Variants in SGSM2 observed in about 807,000 individuals in gnomAD.
SGSM2 encodes RUN and TBC1 domain containing 1.
Under a neutral mutation model 126.6 loss-of-function variants are expected in SGSM2, and 89 were observed. That is an observed-to-expected ratio of 0.70 (90% confidence interval 0.59 to 0.84). SGSM2 has a LOEUF of 0.84. Among genes scored for constraint, SGSM2 ranks in the 40% least tolerant of loss-of-function variants. SGSM2 has a pLI of 0.00. For missense variants in SGSM2, 1,404 were observed against 1,416.6 expected (o/e 0.99, Z 0.14); for synonymous variants, 614 against 574.3 (o/e 1.07, Z -0.99).
intron 9 of SGSM2, 64 bp downstream of exon 9, chr17:2,364,727 T>C: frequency 1.3e-6 from 2 of 1,588,292 alleles, no homozygotes; most frequent in Non-Finnish European, 1.7e-6. Context: ...AGCTGTGCAC[T>C]GTGCGTGGGG....
Position 2,372,606 on chromosome 17 carries a change from G to C in SGSM2, c.1788+118G>C. On this transcript the variant is annotated intron_variant, in intron 15 of 23. Coordinates refer to ENST00000268989, the MANE Select transcript of SGSM2 (RefSeq NM_014853.3). The surrounding 1 kb of genome is among the most constrained non-coding windows in gnomAD (Gnocchi z 6.0). ...GACAGGCCAGGGCCGATGCCACGGA[G>C]TGACCAGGGTCCCGGCAGAATCTCT... 7.3e-7 allele frequency: 1 copy of C among 1,370,004 alleles called. No homozygotes were observed. The highest frequency in any genetic ancestry group is 1.3e-5 in the South Asian group (1 of 76,296). 84.9% of individuals were successfully genotyped at this position (1,370,004 alleles called of 1,614,324 possible). A position where few individuals can be genotyped will look rare whatever the true frequency, so the allele number is the denominator to read the frequency against.
Position 2,375,735 on chromosome 17 carries a change from G to C in SGSM2, c.2344G>C (p.Gly782Arg). 1.2e-6 allele frequency: 2 copies of C among 1,608,374 alleles called. No individual in the cohort carries two copies. The highest frequency in any genetic ancestry group is 1.1e-5 in the South Asian group (1 of 90,862). Residue 782 changes from glycine to arginine, a missense_variant, in exon 18 of 24, where the codon GGT (glycine) becomes CGT (arginine). Gly to Arg is a moderately radical substitution (Grantham distance 125, BLOSUM62 -2). Coordinates refer to ENST00000268989, the MANE Select transcript of SGSM2 (RefSeq NM_014853.3). Reference protein sequence around the residue: ...QSVGFEEEDGGGEEGSSGPGP... With the variant: ...QSVGFEEEDGRGEEGSSGPGP... ...CGTGGGCTTCGAAGAGGAGGACGGC[G>C]GTGGGGAGGAAGGCTCCAGTGGGCC...
intron 2 of SGSM2, among the ~76,000 whole-genome samples, chr17:2,346,474 A>G (rs1023147086): frequency 6.6e-6 from 1 of 152,194 alleles, no homozygotes; most frequent in African/African-American, 2.4e-5. Context: ...ACCATGGGCA[A>G]ACCCAGGAAA....
At chr17:2,379,248 G>A (rs1232292118) in intron 23 of SGSM2, 45 bp downstream of exon 23, 7 of 1,606,938 alleles carry the variant, frequency 4.4e-6, no homozygotes, top group South Asian at 2.2e-5. Flanking sequence ...GCAGAGGTGT[G>A]GAGGCCCCCA....
chr17:2,359,329 C>G (rs1475453324), intron 2 of SGSM2, among the ~76,000 whole-genome samples: 3 of 150,968 alleles, frequency 2.0e-5, no homozygotes, highest in Non-Finnish European at 4.4e-5. Context: ...TGGGGAACAC[C>G]TTGTGGGCAT....
Position 2,372,751 on chromosome 17 carries a change from T to C in SGSM2, c.1789-202T>C. ...CTCTCCGGGCGCCATTTCCTGCCCC[T>C]TAAGGAAGGAGAGCAGAACGAGATC... is the stretch of plus-strand genomic sequence containing the variant. On this transcript the variant is annotated intron_variant, in intron 15 of 23. Coordinates refer to ENST00000268989, the MANE Select transcript of SGSM2 (RefSeq NM_014853.3). The surrounding 1 kb of genome is among the most constrained non-coding windows in gnomAD (Gnocchi z 6.0). The C allele has an allele frequency of 1.2e-6, 1 of 845,310 alleles. No homozygotes were observed. Among genetic ancestry groups the C allele is most frequent in the Non-Finnish European group, 1.8e-6 (1 of 555,584 alleles). 52.4% of individuals were successfully genotyped at this position (845,310 alleles called of 1,614,324 possible).
At chr17:2,340,629 G>T (rs890173265) in intron 1 of SGSM2, among the ~76,000 whole-genome samples, 10 of 151,234 alleles carry the variant, frequency 6.6e-5, no homozygotes, top group African/African-American at 2.4e-4. Flanking sequence ...CTGTTGCCCA[G>T]GCTGGAGTGC....
intron 11 of SGSM2, among the ~76,000 whole-genome samples, chr17:2,366,309 G>A (rs2065582422): frequency 6.6e-6 from 1 of 152,200 alleles, no homozygotes; most frequent in Admixed American, 6.5e-5. Flanking sequence ...TTTCTGGTCA[G>A]AGTGCTGCTG....
At chr17:2,368,923 C>T (rs772634538) in intron 12 of SGSM2, among the ~76,000 whole-genome samples, 4 of 152,134 alleles carry the variant, frequency 2.6e-5, no homozygotes, top group South Asian at 2.1e-4. Flanking sequence ...TTGGCAGACT[C>T]GGTGATAAAA....
At chr17:2,340,299 G>C (rs1361177522) in intron 1 of SGSM2, among the ~76,000 whole-genome samples, 2 of 151,888 alleles carry the variant, frequency 1.3e-5, no homozygotes, top group Non-Finnish European at 2.9e-5. Context: ...TATTTTAGTA[G>C]AGATGGGGTT....
chr17:2,369,878 C>T (rs1182422442), intron 12 of SGSM2, among the ~76,000 whole-genome samples: 5 of 152,220 alleles, frequency 3.3e-5, no homozygotes, highest in Non-Finnish European at 5.9e-5. Flanking sequence ...GCTTGCAACG[C>T]CCTCACTCCC....
intron 2 of SGSM2, among the ~76,000 whole-genome samples, chr17:2,359,277 A>G (rs942869501): frequency 6.6e-6 from 1 of 151,268 alleles, no homozygotes; most frequent in Non-Finnish European, 1.5e-5. Context: ...TTGTCTGCAC[A>G]CTGCACGCGA....
rs1310472489 is a variant in SGSM2 at position 2,376,990 on chromosome 17, C to T, written c.2724C>T (p.Leu908=). The T allele has an allele frequency of 6.2e-7, 1 of 1,613,888 alleles. No homozygotes were observed. The highest frequency in any genetic ancestry group is 8.5e-7 in the Non-Finnish European group (1 of 1,179,936). The part of the protein sequence containing the change: ...DQLAYSCFSH[L]MKRMSQNFPN... ...TGGCCTACAGCTGCTTCAGCCACCT[C>T]ATGAAGAGGATGAGCCAGAACTTCC... The change falls in exon 21 of 24, where the codon CTC becomes CTT. Residue 908 remains leucine, a synonymous_variant. Coordinates refer to ENST00000268989, the MANE Select transcript of SGSM2 (RefSeq NM_014853.3).
chr17:2,379,355 G>C lies in SGSM2; in HGVS notation c.3068-77G>C, dbSNP rs1331941167. On this transcript the variant is annotated intron_variant, in intron 23 of 23. Transcript: ENST00000268989. ...GAATCTAGCAGAGCAGATGGAAACAGAGCAGGGTAGTCAGCCACCTCCTAG... is the reference window on the plus strand; with the variant it reads ...GAATCTAGCAGAGCAGATGGAAACACAGCAGGGTAGTCAGCCACCTCCTAG... 6 of 1,567,104 alleles carry C rather than the reference G, an allele frequency of 3.8e-6. No individual in the cohort carries two copies. The African/African-American group carries it at 6.7e-5, about 18-fold the overall frequency.
intron 12 of SGSM2, among the ~76,000 whole-genome samples, chr17:2,370,238 C>G (rs2151608684): frequency 6.6e-6 from 1 of 152,392 alleles, no homozygotes; most frequent in South Asian, 2.1e-4. Flanking sequence ...CTCCCTCCCT[C>G]CCGGCATCAC....
At position 2,362,885 on chromosome 17, in the gene SGSM2, C is replaced by G; in HGVS notation, c.506C>G (p.Pro169Arg). The G allele has an allele frequency of 6.2e-7, 1 of 1,614,164 alleles. No individual in the cohort carries two copies. Reference sequence around the variant, plus strand: ...CTGCTGGCAGACCCTGTGTTCGGCCCGATCCTGGCCTCTCTTCTAGGTGAG... The same window carrying G: ...CTGCTGGCAGACCCTGTGTTCGGCCGGATCCTGGCCTCTCTTCTAGGTGAG... ...EALLADPVFG[P>R]ILASLLVGPC... Residue 169 changes from proline to arginine, a missense_variant, in exon 5 of 24, where the codon CCG (proline) becomes CGG (arginine). Coordinates refer to ENST00000268989, the MANE Select transcript of SGSM2 (RefSeq NM_014853.3). The surrounding 1 kb of genome is among the most constrained non-coding windows in gnomAD (Gnocchi z 4.9).
Position 2,377,968 on chromosome 17 carries a change from G to A in SGSM2, c.2899+15G>A, listed in dbSNP as rs370649596. 7.2e-6 allele frequency: 11 copies of A among 1,517,366 alleles called. No individual in the cohort carries two copies. Among genetic ancestry groups the A allele is most frequent in the Non-Finnish European group, 1.0e-5 (11 of 1,092,594 alleles). 94.0% of individuals were successfully genotyped at this position (1,517,366 alleles called of 1,614,324 possible). A position where few individuals can be genotyped will look rare whatever the true frequency, so the allele number is the denominator to read the frequency against. Reference sequence around the variant, plus strand: ...TTTTAAGAGAGGTAAGAAGTGGGTTGGATCATGGGGCTGAGGTCAGGGACA... The same window carrying A: ...TTTTAAGAGAGGTAAGAAGTGGGTTAGATCATGGGGCTGAGGTCAGGGACA... On this transcript the variant is annotated intron_variant, in intron 22 of 23. Coordinates refer to ENST00000268989, the MANE Select transcript of SGSM2 (RefSeq NM_014853.3).
chr17:2,345,574 T>G (rs372577739), intron 2 of SGSM2, among the ~76,000 whole-genome samples: 23 of 135,828 alleles, frequency 1.7e-4, no homozygotes, highest in African/African-American at 6.5e-4. Context: ...CCAGCCTGGG[T>G]GACAGAGCGA....
chr17:2,353,099 C>T (rs901188746), intron 2 of SGSM2, among the ~76,000 whole-genome samples: 10 of 152,018 alleles, frequency 6.6e-5, no homozygotes, highest in African/African-American at 2.4e-4. Flanking sequence ...TTCTAGCAGC[C>T]GAGCTATAGT....
Sources: gnomAD v4.1 joint callset for allele counts (sites outside exome capture counted in the v4.1 genomes callset) on GRCh38, gnomAD v4.1.1 for gene constraint, Gnocchi (gnomAD v3.1) non-coding constraint, MANE v1.5 for transcripts, NCBI Gene and HGNC (gene_info 2026-07-23, HGNC 2026-07-21) for gene names.